The following CYTH3 variants were observed in gnomAD, a reference collection of about 807,000 sequenced individuals.
The protein encoded by CYTH3 is cytohesin-3.
Under a neutral mutation model 55.1 loss-of-function variants are expected in CYTH3, and 23 were observed. The observed-to-expected ratio is 0.42, with a 90% CI of 0.30 to 0.59. CYTH3 has a LOEUF of 0.59. Ranked by LOEUF, CYTH3 falls within the 20% of genes least tolerant of loss-of-function variation. The probability of loss-of-function intolerance (pLI) is 0.20; values close to 1 mark genes in which losing one functional copy is unlikely to be tolerated. For missense variants in CYTH3, 413 were observed against 524.8 expected (o/e 0.79, Z 2.08); for synonymous variants, 249 against 194.9 (o/e 1.28, Z -2.31).
chr7:6,220,574 CAA>C (rs1191450197), intron 1 of CYTH3, among the ~76,000 whole-genome samples: 15 of 62,058 alleles, frequency 2.4e-4, no homozygotes, highest in Middle Eastern at 8.9e-3. Context: ...CATCCTGTCT[CAA>C]AAAAAAAAAA....
intron 9 of CYTH3, among the ~76,000 whole-genome samples, chr7:6,166,683 GGAGGA>G (rs1363780569): frequency 2.0e-5 from 3 of 152,170 alleles, no homozygotes; most frequent in Non-Finnish European, 4.4e-5. Context: ...CCCTGGGTGA[GGAGGA>G]ACCAGCTGCA....
chr7:6,181,440 G>C (rs529672273), intron 4 of CYTH3, among the ~76,000 whole-genome samples: 2 of 152,242 alleles, frequency 1.3e-5, no homozygotes, highest in South Asian at 4.1e-4. Context: ...GGCCTTGGCA[G>C]GCACTGCTCC....
At chr7:6,223,957 T>C (rs556935898) in intron 1 of CYTH3, among the ~76,000 whole-genome samples, 100 of 151,646 alleles carry the variant, frequency 6.6e-4, no homozygotes, top group Non-Finnish European at 1.3e-3. Flanking sequence ...TACAACCCTA[T>C]GAATGATGCT....
Position 6,171,375 on chromosome 7 carries a change from G to A in CYTH3, c.450-61C>T, listed in dbSNP as rs550331584. The A allele has an allele frequency of 2.0e-5, 30 of 1,534,260 alleles. No individual in the cohort carries two copies. In the South Asian group the frequency reaches 2.9e-4, roughly 15 times the overall value. On this transcript the variant is annotated intron_variant, in intron 6 of 12. Transcript: ENST00000350796. The surrounding 1 kb of genome is among the most constrained non-coding windows in gnomAD (Gnocchi z 6.7). ...GAACCAACACCGCCTCACGGCCAAG[G>A]GCGGCTTCTGCCCAGCTCAGGAAGG...
At chr7:6,223,415 AAG>A (rs1779142356) in intron 1 of CYTH3, among the ~76,000 whole-genome samples, 1 of 152,230 alleles carries the variant, frequency 6.6e-6, no homozygotes, top group South Asian at 2.1e-4. Context: ...GGGGAAAAGA[AAG>A]AGAGATCAGA....
chr7:6,172,971 T>C (rs1394964676), intron 6 of CYTH3: 18 of 1,123,562 alleles, frequency 1.6e-5, no homozygotes, highest in Admixed American at 4.0e-5. Flanking sequence ...AGCCGAAGAT[T>C]TGAGAAGATG....
intron 1 of CYTH3, among the ~76,000 whole-genome samples, chr7:6,237,128 C>T (rs1032570985): frequency 3.3e-5 from 5 of 152,178 alleles, no homozygotes; most frequent in Non-Finnish European, 5.9e-5. Flanking sequence ...GAGCAGCTCC[C>T]GCCTCGGCAG....
At chr7:6,210,312 T>C (rs1224054726) in intron 1 of CYTH3, among the ~76,000 whole-genome samples, 4 of 152,204 alleles carry the variant, frequency 2.6e-5, no homozygotes, top group Admixed American at 2.0e-4. Context: ...GATAATGACA[T>C]CCAAAGCTAC....
intron 12 of CYTH3, 52 bp downstream of exon 12, chr7:6,165,221 T>G (rs1583723789): frequency 6.3e-7 from 1 of 1,580,028 alleles, no homozygotes; most frequent in East Asian, 2.2e-5. Flanking sequence ...TCCCCCGCCC[T>G]CCAACCGGCA....
intron 1 of CYTH3, among the ~76,000 whole-genome samples, chr7:6,234,948 G>A (rs1177774072): frequency 6.6e-6 from 1 of 152,198 alleles, no homozygotes; most frequent in African/African-American, 2.4e-5. Flanking sequence ...CAGCTACTCA[G>A]CAAGAAAATG....
chr7:6,244,572 C>T (rs1779756374), intron 1 of CYTH3, among the ~76,000 whole-genome samples: 1 of 152,202 alleles, frequency 6.6e-6, no homozygotes, highest in Non-Finnish European at 1.5e-5. Flanking sequence ...TCAAGCGATC[C>T]TCCTGCCTCA....
At chr7:6,237,642 A>C (rs1388302496) in intron 1 of CYTH3, among the ~76,000 whole-genome samples, 8 of 152,128 alleles carry the variant, frequency 5.3e-5, no homozygotes, top group African/African-American at 1.9e-4. Flanking sequence ...CGGGGGGCAG[A>C]AGGTTGCAGT....
At chr7:6,207,943 C>T (rs931525073) in intron 1 of CYTH3, among the ~76,000 whole-genome samples, 1 of 149,558 alleles carries the variant, frequency 6.7e-6, no homozygotes, top group African/African-American at 2.5e-5. Context: ...GAGCCAGACC[C>T]TGTCTTGGGG....
intron 5 of CYTH3, among the ~76,000 whole-genome samples, chr7:6,177,222 T>G (rs1387755316): frequency 6.6e-6 from 1 of 152,198 alleles, no homozygotes; most frequent in Non-Finnish European, 1.5e-5. Context: ...TCAAATATTT[T>G]TTTTAAAAAA....
intron 1 of CYTH3, among the ~76,000 whole-genome samples, chr7:6,216,019 T>C (rs1054492428): frequency 3.9e-5 from 6 of 152,198 alleles, no homozygotes; most frequent in Non-Finnish European, 5.9e-5. Context: ...TTGTCACCAG[T>C]AGACCTACCC....
intron 1 of CYTH3, among the ~76,000 whole-genome samples, chr7:6,208,996 A>C (rs1467989727): frequency 6.6e-6 from 1 of 152,252 alleles, no homozygotes; most frequent in Non-Finnish European, 1.5e-5. Context: ...CAAGCTTCCC[A>C]AATGACTTTG....
intron 1 of CYTH3, among the ~76,000 whole-genome samples, chr7:6,218,423 G>A (rs1254072720): frequency 1.3e-5 from 2 of 152,186 alleles, no homozygotes; most frequent in African/African-American, 4.8e-5. Context: ...TCCAGATGGA[G>A]CACGGCCCAT....
chr7:6,226,609 G>A (rs1236229853), intron 1 of CYTH3, among the ~76,000 whole-genome samples: 2 of 152,184 alleles, frequency 1.3e-5, no homozygotes, highest in African/African-American at 4.8e-5. Context: ...TTTTAGTTAA[G>A]TTACTTCCCA....
intron 1 of CYTH3, among the ~76,000 whole-genome samples, chr7:6,248,257 A>G: frequency 6.6e-6 from 1 of 151,490 alleles, no homozygotes; most frequent in African/African-American, 2.4e-5. Context: ...CAAAAAAAAA[A>G]AAAAGAATAG....
Sources: allele counts gnomAD v4.1 joint callset (sites outside exome capture counted in the v4.1 genomes callset), GRCh38; gene constraint gnomAD v4.1.1; non-coding constraint Gnocchi (gnomAD v3.1); transcripts MANE v1.5; gene names NCBI Gene and HGNC (gene_info 2026-07-23, HGNC 2026-07-21).